Variants in PEAK1 observed in about 807,000 individuals in gnomAD.
PEAK1 encodes pseudopodium enriched atypical kinase 1.
Under a neutral mutation model 124.7 loss-of-function variants are expected in PEAK1, and 54 were observed. The ratio of observed to expected loss-of-function variants is 0.43; its 90% CI spans 0.35 to 0.54. The LOEUF is 0.54. PEAK1 is among the 20% of genes least tolerant of loss of function. The pLI is 0.01. For synonymous variants in PEAK1, 719 were observed against 760.0 expected (o/e 0.95, Z 0.89); for missense variants, 2,046 against 2,134.5 (o/e 0.96, Z 0.82).
intron 2 of PEAK1, among the ~76,000 whole-genome samples, chr15:77,325,341 T>C (rs1334068576): frequency 1.3e-5 from 2 of 151,950 alleles, no homozygotes; most frequent in Non-Finnish European, 2.9e-5. Flanking sequence ...GCCTGAGTGG[T>C]AGGCTACAGT....
At chr15:77,230,199 A>G (rs1195244354) in intron 6 of PEAK1, among the ~76,000 whole-genome samples, 1 of 107,964 alleles carries the variant, frequency 9.3e-6, no homozygotes, top group Non-Finnish European at 2.2e-5. Context: ...AGCATTTGAG[A>G]TAAGTCTTTT....
At chr15:77,414,464 T>C (rs1385809438) in intron 1 of PEAK1, among the ~76,000 whole-genome samples, 1 of 151,664 alleles carries the variant, frequency 6.6e-6, no homozygotes, top group Admixed American at 6.6e-5. Flanking sequence ...TCAACCCACC[T>C]TGGCCTCCCA....
In PEAK1 at chr15:77,115,166, G is replaced by A; in HGVS notation, c.4231C>T (p.Pro1411Ser). 6.2e-7 allele frequency: 1 copy of A among 1,614,028 alleles called. No individual in the cohort carries two copies. Among genetic ancestry groups the A allele is most frequent in the Non-Finnish European group, 8.5e-7 (1 of 1,179,998 alleles). Reference sequence around the variant, plus strand: ...TCCATGTCATCCTCATCCTTTTCAGGGTCATCTGGATCCTCCCAGGGAAGC... The same window carrying A: ...TCCATGTCATCCTCATCCTTTTCAGAGTCATCTGGATCCTCCCAGGGAAGC... The part of the protein sequence containing the change: ...RLLPWEDPDD[P>S]EKDEDDMEET... The change falls in exon 10 of 10, where the codon CCT (proline) becomes TCT (serine). Residue 1411 changes from proline (P) to serine (S), a missense_variant. Coordinates refer to ENST00000682557, the MANE Select transcript of PEAK1 (RefSeq NM_001385026.1).
intron 6 of PEAK1, among the ~76,000 whole-genome samples, chr15:77,225,411 T>G (rs964900923): frequency 6.6e-6 from 1 of 151,968 alleles, no homozygotes; most frequent in African/African-American, 2.4e-5. Flanking sequence ...TAACTGGTGC[T>G]ATACTAGAAT....
chr15:77,201,945 TCA>T (rs558007780), intron 6 of PEAK1, among the ~76,000 whole-genome samples: 4 of 152,184 alleles, frequency 2.6e-5, no homozygotes, highest in African/African-American at 7.2e-5. Context: ...CATACTTAGA[TCA>T]CACTGGCTCC....
intron 5 of PEAK1, among the ~76,000 whole-genome samples, chr15:77,266,135 GAGATAT>G: frequency 6.6e-6 from 1 of 152,198 alleles, no homozygotes; most frequent in Middle Eastern, 3.4e-3. Context: ...ATAGCATTTG[GAGATAT>G]ACCTAACGCT....
At chr15:77,397,408 A>G (rs1010089373) in intron 1 of PEAK1, among the ~76,000 whole-genome samples, 1 of 152,140 alleles carries the variant, frequency 6.6e-6, no homozygotes, top group Non-Finnish European at 1.5e-5. Context: ...GAACTAGAAA[A>G]GCAAGAGCAA....
At chr15:77,121,291 G>T (rs1009171918) in intron 9 of PEAK1, among the ~76,000 whole-genome samples, 1 of 152,092 alleles carries the variant, frequency 6.6e-6, no homozygotes, top group African/African-American at 2.4e-5. Context: ...TTAGGGCCTA[G>T]CACAGAGCAA....
chr15:77,166,227 T>A (rs1327414735), intron 7 of PEAK1, among the ~76,000 whole-genome samples: 2 of 152,178 alleles, frequency 1.3e-5, no homozygotes, highest in African/African-American at 4.8e-5. Context: ...CTAATAATAA[T>A]CACTACCACC....
intron 9 of PEAK1, among the ~76,000 whole-genome samples, chr15:77,125,631 G>A (rs2052311596): frequency 6.6e-6 from 1 of 152,120 alleles, no homozygotes; most frequent in Non-Finnish European, 1.5e-5. Flanking sequence ...GGCAAGTAAT[G>A]GCAAAGGTAA....
intron 8 of PEAK1, chr15:77,157,686 T>C (rs2055274510): frequency 6.6e-6 from 1 of 152,192 alleles, no homozygotes; most frequent in African/African-American, 2.4e-5. Context: ...CTGGGATACA[T>C]TATAGATTCT....
At chr15:77,240,668 A>T (rs898075513) in intron 6 of PEAK1, among the ~76,000 whole-genome samples, 1 of 152,150 alleles carries the variant, frequency 6.6e-6, no homozygotes, top group East Asian at 1.9e-4. Flanking sequence ...AGTTTTAAAA[A>T]CTTTATTGTA....
In PEAK1 at chr15:77,133,936, C is replaced by A. The variant is rs772264745; in HGVS notation, c.3332-186G>T. Among the ~76,000 whole-genome samples, 1 of 152,062 alleles carries A rather than the reference C, an allele frequency of 6.6e-6. No homozygotes were observed. The highest frequency in any genetic ancestry group is 1.5e-5 in the Non-Finnish European group (1 of 68,028). On this transcript the variant is annotated intron_variant, in intron 8 of 9. Transcript: ENST00000682557. This position sits in a 1 kb window ranked among gnomAD's most constrained non-coding sequence, Gnocchi z 4.2. ...ATACCTAAACATTGAAGTATCCAAG[C>A]CTTGGTGGGAACGACAAATATGCAT...
intron 6 of PEAK1, among the ~76,000 whole-genome samples, chr15:77,211,796 C>T (rs929307908): frequency 2.9e-5 from 4 of 139,196 alleles, no homozygotes; most frequent in East Asian, 4.1e-4. Flanking sequence ...TGCAGTGAGC[C>T]GAGATCACGC....
chr15:77,414,198 T>TCTTTCC (rs2072667640), intron 1 of PEAK1, among the ~76,000 whole-genome samples: 1 of 147,062 alleles, frequency 6.8e-6, no homozygotes. Flanking sequence ...TTTCCTTCCT[T>TCTTTCC]CTTTCCTTCT....
chr15:77,183,741 T>C (rs2057399250), intron 6 of PEAK1, among the ~76,000 whole-genome samples: 1 of 152,072 alleles, frequency 6.6e-6, no homozygotes, highest in Non-Finnish European at 1.5e-5. Flanking sequence ...TTGGAATATA[T>C]AAAGAACTTT....
At chr15:77,259,726 G>A (rs984677604) in intron 5 of PEAK1, among the ~76,000 whole-genome samples, 23 of 152,258 alleles carry the variant, frequency 1.5e-4, no homozygotes, top group African/African-American at 5.5e-4. Flanking sequence ...AGGCAATGCA[G>A]TATTATGATC....
rs568873294 is a variant in PEAK1, at chr15:77,262,426, A to T, written c.-274-9900T>A. Among the ~76,000 whole-genome samples, 115 of 133,020 alleles carry T rather than the reference A, an allele frequency of 8.6e-4. No homozygotes were observed. In the South Asian group the frequency reaches 0.014, roughly 16 times the overall value. 87.3% of individuals were successfully genotyped at this position (133,020 alleles called of 152,430 possible). On this transcript the variant is annotated intron_variant, in intron 5 of 9. Transcript: ENST00000682557. ...AGGGATGGAGGAAGATCTACTAAGC[A>T]AATGGAAAACAAAAAAGGCAGGGGT...
Position 77,115,203 on chromosome 15 carries a change from G to C in PEAK1, c.4194C>G (p.Val1398=), listed in dbSNP as rs2051254155. The C allele has an allele frequency of 6.2e-7, 1 of 1,614,172 alleles. No homozygotes were observed. The highest frequency in any genetic ancestry group is 8.5e-7 in the Non-Finnish European group (1 of 1,180,034). Residue 1398 remains valine, a synonymous_variant, in exon 10 of 10, where the codon GTC becomes GTG. Coordinates refer to ENST00000682557, the MANE Select transcript of PEAK1 (RefSeq NM_001385026.1). ...QQDCGHFLAE[V]PNRLLPWEDP... is the part of the protein sequence containing the mutation. ...CCTCCCAGGGAAGCAGACGGTTAGG[G>C]ACTTCAGCAAGGAAATGACCACAGT...
Sources: allele counts gnomAD v4.1 joint callset (sites outside exome capture counted in the v4.1 genomes callset), GRCh38; gene constraint gnomAD v4.1.1; non-coding constraint Gnocchi (gnomAD v3.1); transcripts MANE v1.5; gene names NCBI Gene and HGNC (gene_info 2026-07-23, HGNC 2026-07-21).